Variants in LIM2 observed in about 807,000 individuals in gnomAD.
The protein encoded by LIM2 is lens intrinsic membrane protein 2.
LIM2 carries 14 observed loss-of-function variants against 19.0 expected under a neutral mutation model. The observed-to-expected ratio is 0.74, with a 90% CI of 0.49 to 1.15. LIM2 has a LOEUF of 1.15. Among genes scored for constraint, LIM2 ranks in the 50% most tolerant of loss-of-function variants. The pLI, the probability that LIM2 is intolerant of heterozygous loss-of-function variation, is 0.00. For synonymous variants in LIM2, 78 were observed against 89.6 expected, an observed-to-expected ratio of 0.87 and a Z score of 0.73; for missense variants, 230 against 243.5, an observed-to-expected ratio of 0.94 and a Z score of 0.37.
intron 3 of LIM2, 97 bp downstream of exon 3, chr19:51,382,321 G>T: frequency 1.4e-6 from 2 of 1,411,864 alleles, no homozygotes; most frequent in Non-Finnish European, 1.0e-6. Context: ...TGAGTGTGAG[G>T]AGGAGTAAGG....
Position 51,380,183 on chromosome 19 carries a change from T to C in LIM2, c.*18A>G. On this transcript the variant is annotated 3_prime_UTR_variant, in exon 5 of 5. Transcript: ENST00000596399. ...CCTCACTTTAACTTCCAGATGAAGT[T>C]GGGGGACACATTTGGGCTCAGCGGG... 6.2e-7 allele frequency: 1 copy of C among 1,612,802 alleles called. No homozygotes were observed. The highest frequency in any genetic ancestry group is 8.5e-7 in the Non-Finnish European group (1 of 1,179,142).
At position 51,380,659 on chromosome 19, in the gene LIM2, G is replaced by C; in HGVS notation, c.326-20C>G. ...AAAGGGCTGGGGAGAGAGGGCGGGA[G>C]GATGCAGGTGGGACTAAGGCTGGGT... On this transcript the variant is annotated intron_variant, in intron 3 of 4. Coordinates refer to ENST00000596399, the MANE Select transcript of LIM2 (RefSeq NM_001161748.2). The C allele has an allele frequency of 6.2e-7, 1 of 1,613,894 alleles. No homozygotes were observed. The highest frequency in any genetic ancestry group is 1.1e-5 in the South Asian group (1 of 91,072).
At chr19:51,382,678 A>G (rs949843099) in intron 2 of LIM2, 111 bp from the exon 3 acceptor site, 3 of 1,424,978 alleles carry the variant, frequency 2.1e-6, no homozygotes, top group Non-Finnish European at 2.9e-6. Context: ...AACCCAGCTC[A>G]TCCTTCCCTT....
chr19:51,387,114 C>T (rs1249280394), intron 2 of LIM2, 155 bp downstream of exon 2: 6 of 1,405,976 alleles, frequency 4.3e-6, no homozygotes, highest in Admixed American at 1.8e-5. Flanking sequence ...CCCTGTAGTC[C>T]CAGTTCTGCC....
Position 51,383,078 on chromosome 19 carries a change from A to AGGCTGAAG in LIM2, c.176-519_176-512dup, listed in dbSNP as rs1193573684. On this transcript the variant is annotated intron_variant, in intron 2 of 4. Transcript: ENST00000596399. ...GAGACCGAGTCTTCCTCTGCCACCC[A>AGGCTGAAG]GGCTGAAGTGCTGTGGCACAATCTC... is the stretch of plus-strand genomic sequence containing the variant. Among the ~76,000 whole-genome samples, 70 of 118,408 alleles carry AGGCTGAAG rather than the reference A, an allele frequency of 5.9e-4. No individual in the cohort carries two copies. The East Asian group carries it at 0.013, about 21-fold the overall frequency. The allele number at this position is 118,408 out of a possible 152,430, so 77.7% of individuals were successfully genotyped here.
At chr19:51,386,706 A>G (rs923235034) in intron 2 of LIM2, among the ~76,000 whole-genome samples, 50 of 103,860 alleles carry the variant, frequency 4.8e-4, no homozygotes, top group Non-Finnish European at 7.5e-4. Context: ...ACTATACTGT[A>G]TATTATTGTC....
chr19:51,387,575 G>T lies in LIM2; in HGVS notation c.-6-126C>A. 5 of 1,380,362 alleles carry T rather than the reference G, an allele frequency of 3.6e-6. No homozygotes were observed. In the South Asian group the frequency reaches 5.0e-5, roughly 14 times the overall value. 85.5% of individuals were successfully genotyped at this position (1,380,362 alleles called of 1,614,324 possible). On this transcript the variant is annotated intron_variant, in intron 1 of 4. Transcript: ENST00000596399. Reference sequence around the variant, plus strand: ...GGGAGAAGGAGATGGAGACCTAGACGCCTGGGTCCTGGGCGAGGAGGGGAC... The same window carrying T: ...GGGAGAAGGAGATGGAGACCTAGACTCCTGGGTCCTGGGCGAGGAGGGGAC...
chr19:51,383,416 T>A (rs1231280999), intron 2 of LIM2, among the ~76,000 whole-genome samples: 1 of 152,202 alleles, frequency 6.6e-6, no homozygotes, highest in African/African-American at 2.4e-5. Context: ...ATAATGTCTG[T>A]CTCTCCTCAG....
Position 51,387,487 on chromosome 19 carries a change from T to C in LIM2, c.-6-38A>G, listed in dbSNP as rs2547309. The stretch of plus-strand genomic sequence containing the variant: ...GGAGAGATGGGATTGGGAGCTGAAT[T>C]CCCGGGACTTGAAGGGAGGAACTGG... On this transcript the variant is annotated intron_variant, in intron 1 of 4. Coordinates refer to ENST00000596399, the MANE Select transcript of LIM2 (RefSeq NM_001161748.2). The C allele has an allele frequency of 0.19, 303,782 of 1,609,278 alleles. 37,380 individuals carry two copies. Among genetic ancestry groups the C allele is most frequent in the African/African-American group, 0.58 (43,350 of 74,684 alleles).
intron 3 of LIM2, among the ~76,000 whole-genome samples, chr19:51,381,222 G>T (rs538554072): frequency 6.6e-6 from 1 of 152,270 alleles, no homozygotes; most frequent in East Asian, 1.9e-4. Flanking sequence ...GGAGGCTGAG[G>T]CAGGAGAATC....
intron 2 of LIM2, among the ~76,000 whole-genome samples, chr19:51,382,880 G>A (rs555173791): frequency 6.6e-6 from 1 of 152,044 alleles, no homozygotes; most frequent in East Asian, 1.9e-4. Context: ...CGGTGGGTTG[G>A]TTCTGTGTCA....
chr19:51,382,681 C>G, intron 2 of LIM2, 114 bp from the exon 3 acceptor site: 1 of 1,408,748 alleles, frequency 7.1e-7, no homozygotes. Flanking sequence ...CCAGCTCATC[C>G]TTCCCTTCTT....
intron 2 of LIM2, among the ~76,000 whole-genome samples, chr19:51,385,897 A>G (rs1269142953): frequency 6.6e-6 from 1 of 152,176 alleles, no homozygotes; most frequent in Non-Finnish European, 1.5e-5. Flanking sequence ...AGTGACGCTT[A>G]GCTCTTCTTC....
intron 2 of LIM2, 89 bp downstream of exon 2, chr19:51,387,180 T>C: frequency 1.2e-6 from 2 of 1,613,896 alleles, no homozygotes; most frequent in Non-Finnish European, 1.7e-6. Flanking sequence ...GCCGCAGAGT[T>C]CTCCATCTGG....
intron 2 of LIM2, among the ~76,000 whole-genome samples, chr19:51,383,036 T>C (rs1229846286): frequency 3.3e-5 from 4 of 122,582 alleles, no homozygotes; most frequent in Non-Finnish European, 6.4e-5. Flanking sequence ...TCTTTTTTTT[T>C]TTTTTTTTTT....
At chr19:51,387,127 C>T in intron 2 of LIM2, 142 bp downstream of exon 2, 2 of 1,508,850 alleles carry the variant, frequency 1.3e-6, no homozygotes, top group South Asian at 1.1e-5. Flanking sequence ...GTTCTGCCCC[C>T]TCCATGCTGA....
chr19:51,380,342 C>T lies in LIM2; in HGVS notation c.461-80G>A, dbSNP rs1028681828. 6 of 1,582,292 alleles carry T rather than the reference C, an allele frequency of 3.8e-6. No individual in the cohort carries two copies. In the African/African-American group the frequency reaches 5.4e-5, roughly 14 times the overall value. The stretch of plus-strand genomic sequence containing the variant: ...CACCCCAAGAGAGCCCAACACCCTA[C>T]TCTCTTTCTCCCTGGGTATCCCCGA... On this transcript the variant is annotated intron_variant, in intron 4 of 4. Coordinates refer to ENST00000596399, the MANE Select transcript of LIM2 (RefSeq NM_001161748.2).
intron 2 of LIM2, among the ~76,000 whole-genome samples, chr19:51,383,818 G>A (rs951201040): frequency 1.6e-4 from 25 of 152,156 alleles, no homozygotes; most frequent in African/African-American, 4.8e-4. Context: ...CAAGGCCCAC[G>A]CTCCTAACTG....
At chr19:51,380,800 TA>T (rs1476951572) in intron 3 of LIM2, among the ~76,000 whole-genome samples, 161 bp from the exon 4 acceptor site, 3 of 150,082 alleles carry the variant, frequency 2.0e-5, no homozygotes, top group African/African-American at 7.4e-5. Context: ...GAGTTGAAAT[TA>T]GGGGTAAAGA....
Sources: gnomAD v4.1 joint callset for allele counts (sites outside exome capture counted in the v4.1 genomes callset) on GRCh38, gnomAD v4.1.1 for gene constraint, MANE v1.5 for transcripts, NCBI Gene and HGNC (gene_info 2026-07-23, HGNC 2026-07-21) for gene names.